Variants in STK11 observed in about 807,000 individuals in gnomAD.
STK11 encodes serine/threonine-protein kinase STK11.
A neutral mutation model predicts 47.3 loss-of-function variants in STK11; 8 were observed. That is an observed-to-expected ratio of 0.17 (90% CI 0.10 to 0.31). The LOEUF (loss-of-function observed/expected upper bound fraction) is 0.31. Ranked by LOEUF, STK11 falls within the 10% of genes least tolerant of loss-of-function variation. The pLI, the probability that STK11 is intolerant of heterozygous loss-of-function variation, is 1.00. For missense variants in STK11, 475 were observed against 605.0 expected, an observed-to-expected ratio of 0.79 and a Z score of 2.25; for synonymous variants, 330 against 255.8, an observed-to-expected ratio of 1.29 and a Z score of -2.77.
chr19:1,221,225 C>T lies in STK11; in HGVS notation c.747C>T (p.Thr249=), dbSNP rs759546076. Residue 249 remains threonine, a synonymous_variant, in exon 6 of 10, where the codon ACC becomes ACT. Coordinates refer to ENST00000326873, the MANE Select transcript of STK11 (RefSeq NM_000455.5). ...CCTCGAAATGAAGCTACAACATCAC[C>T]ACGGGTCTGTACCCCTTCGAAGGGG... ...WSAGVTLYNI[T]TGLYPFEGDN... 4.0e-5 allele frequency: 65 copies of T among 1,612,410 alleles called. No homozygotes were observed. Among genetic ancestry groups the T allele is most frequent in the Non-Finnish European group, 5.3e-5 (63 of 1,179,516 alleles).
At chr19:1,224,182 TG>T in intron 8 of STK11, 1 of 985,098 alleles carries the variant, frequency 1.0e-6, no homozygotes, top group South Asian at 4.7e-5. Flanking sequence ...GCACAGTGTA[TG>T]GGGGTCCCCG....
At chr19:1,219,544 G>T (rs1165645315) in intron 3 of STK11, 131 bp downstream of exon 3, 123 of 948,210 alleles carry the variant, frequency 1.3e-4, no homozygotes, top group East Asian at 8.1e-5. Context: ...TTGTTTTTTT[G>T]TTTTTTTGTG....
At chr19:1,222,869 C>T in intron 7 of STK11, 116 bp from the exon 8 acceptor site, 1 of 1,248,428 alleles carries the variant, frequency 8.0e-7, no homozygotes, top group Non-Finnish European at 1.1e-6. Context: ...CCTTGCACGG[C>T]CTGGTCCCAG....
chr19:1,225,874 GGTGGGCAGCCCCAGGCCT>G, intron 8 of STK11: 1 of 987,532 alleles, frequency 1.0e-6, no homozygotes, highest in Non-Finnish European at 1.2e-6. Flanking sequence ...ACCTGGGCAG[GGTGGGCAGCCCCAGGCCT>G]GTGGGTTTCA....
intron 9 of STK11, 69 bp from the exon 10 acceptor site, chr19:1,227,524 C>T (rs945777679): frequency 1.9e-6 from 2 of 1,061,232 alleles, no homozygotes; most frequent in Non-Finnish European, 2.3e-6. Context: ...CTCCATCCTC[C>T]CAGGGGCCCG....
At chr19:1,215,629 A>G (rs571208250) in intron 1 of STK11, among the ~76,000 whole-genome samples, 6 of 152,204 alleles carry the variant, frequency 3.9e-5, no homozygotes, top group Admixed American at 6.5e-5. Flanking sequence ...GCAGTGAGCA[A>G]TGAGCCCTGG....
Position 1,227,770 on chromosome 19 carries a change from C to A in STK11, c.*194C>A. 9.3e-7 allele frequency: 1 copy of A among 1,073,728 alleles called. No individual in the cohort carries two copies. Among genetic ancestry groups the A allele is most frequent in the Non-Finnish European group, 1.1e-6 (1 of 884,514 alleles). The allele number at this position is 1,073,728 out of a possible 1,614,324, so 66.5% of individuals were successfully genotyped here. ...CAGGGACCGGGCGCAGCCCTCCCCCCTCGGCCGCCCGGCAGTGCACGCGGC... is the reference window on the plus strand; with the variant it reads ...CAGGGACCGGGCGCAGCCCTCCCCCATCGGCCGCCCGGCAGTGCACGCGGC... On this transcript the variant is annotated 3_prime_UTR_variant, in exon 10 of 10. Coordinates refer to ENST00000326873, the MANE Select transcript of STK11 (RefSeq NM_000455.5).
At chr19:1,226,898 G>T (rs1452704189) in intron 9 of STK11, 1 of 544,654 alleles carries the variant, frequency 1.8e-6, no homozygotes, top group African/African-American at 2.0e-5. Context: ...CGGGGCTCTG[G>T]GGGGGCGTGC....
At chr19:1,215,103 C>G (rs2080736552) in intron 1 of STK11, among the ~76,000 whole-genome samples, 1 of 152,210 alleles carries the variant, frequency 6.6e-6, no homozygotes, top group Non-Finnish European at 1.5e-5. Flanking sequence ...AGCCGGGCCT[C>G]TCGGGCCCAC....
chr19:1,219,615 G>A (rs2080768639), intron 3 of STK11, among the ~76,000 whole-genome samples: 1 of 151,822 alleles, frequency 6.6e-6, no homozygotes, highest in African/African-American at 2.4e-5. Flanking sequence ...GTGCGATCTC[G>A]GCTCACTGCA....
rs1568705955 is a variant in STK11 at position 1,219,445 on chromosome 19, C to T, written c.464+32C>T. 9 of 560,792 alleles carry T rather than the reference C, an allele frequency of 1.6e-5. No individual in the cohort carries two copies. Among genetic ancestry groups the T allele is most frequent in the East Asian group, 6.3e-5 (1 of 15,966 alleles). The allele number at this position is 560,792 out of a possible 1,614,324, so 34.7% of individuals were successfully genotyped here. On this transcript the variant is annotated intron_variant, in intron 3 of 9. Coordinates refer to ENST00000326873, the MANE Select transcript of STK11 (RefSeq NM_000455.5). ...GCGCGGGGCAGGGGCCAGGGTGGGGCGGGGGCCGGGGGCCAGGCAGGGCAG... is the reference window on the plus strand; with the variant it reads ...GCGCGGGGCAGGGGCCAGGGTGGGGTGGGGGCCGGGGGCCAGGCAGGGCAG...
chr19:1,210,172 C>T (rs1415465850), intron 1 of STK11, among the ~76,000 whole-genome samples: 1 of 152,152 alleles, frequency 6.6e-6, no homozygotes, highest in Admixed American at 6.5e-5. Flanking sequence ...ATTCTGGGAG[C>T]TGGTGTGTTC....
chr19:1,214,470 G>A (rs2080732188), intron 1 of STK11, among the ~76,000 whole-genome samples: 1 of 152,230 alleles, frequency 6.6e-6, no homozygotes, highest in South Asian at 2.1e-4. Context: ...AGGCAGGGCA[G>A]GGCGCCTTCG....
intron 2 of STK11, 112 bp from the exon 3 acceptor site, chr19:1,219,212 G>T: frequency 7.7e-7 from 1 of 1,299,208 alleles, no homozygotes; most frequent in South Asian, 1.3e-5. Context: ...CTGGTCCCGA[G>T]GAGGGGCAAG....
In STK11 at chr19:1,228,005, G is replaced by A; in HGVS notation, c.*429G>A. The A allele has an allele frequency of 9.4e-7, 1 of 1,067,884 alleles. No homozygotes were observed. 66.2% of individuals were successfully genotyped at this position (1,067,884 alleles called of 1,614,324 possible). A position where few individuals can be genotyped will look rare whatever the true frequency, so the allele number is the denominator to read the frequency against. ...CCCGCCATGCATGCAGCGCCACCTG[G>A]AAGCCGCGCGGCCGCTTTGGTTTTT... On this transcript the variant is annotated 3_prime_UTR_variant, in exon 10 of 10. Transcript: ENST00000326873.
Position 1,227,648 on chromosome 19 carries a change from G to A in STK11, c.*72G>A, listed in dbSNP as rs572976728. On this transcript the variant is annotated 3_prime_UTR_variant, in exon 10 of 10. Coordinates refer to ENST00000326873, the MANE Select transcript of STK11 (RefSeq NM_000455.5). The stretch of plus-strand genomic sequence containing the variant: ...CGCCAGGCCCTCAGTCTTCCTGCCG[G>A]TTCCGCCCGCCCTCCCGGAGAGGTG... 5.6e-6 allele frequency: 6 copies of A among 1,067,906 alleles called. No individual in the cohort carries two copies. The East Asian group carries it at 2.0e-4, about 35-fold the overall frequency. The allele number at this position is 1,067,906 out of a possible 1,614,324, so 66.2% of individuals were successfully genotyped here.
At chr19:1,219,702 C>G (rs528501080) in intron 3 of STK11, among the ~76,000 whole-genome samples, 3 of 152,072 alleles carry the variant, frequency 2.0e-5, no homozygotes, top group Non-Finnish European at 4.4e-5. Context: ...CCCGCCACCA[C>G]GCCCGGCTAA....
Position 1,226,057 on chromosome 19 carries a change from G to A in STK11, c.1109-397G>A, listed in dbSNP as rs1429213768. 8 of 1,043,098 alleles carry A rather than the reference G, an allele frequency of 7.7e-6. No homozygotes were observed. The African/African-American group carries it at 1.4e-4, about 18-fold the overall frequency. The allele number at this position is 1,043,098 out of a possible 1,614,324, so 64.6% of individuals were successfully genotyped here. ...CTGGCCCTCCTGTGTCCTCACAGAT[G>A]AGCATGTGGCGGCTCCTGGGCCTCT... On this transcript the variant is annotated intron_variant, in intron 8 of 9. Coordinates refer to ENST00000326873, the MANE Select transcript of STK11 (RefSeq NM_000455.5).
rs538936764 is a variant in STK11 at position 1,223,543 on chromosome 19, A to T, written c.1108+371A>T. The T allele has an allele frequency of 9.5e-6, 10 of 1,053,656 alleles. No homozygotes were observed. The East Asian group carries it at 4.8e-4, about 50-fold the overall frequency. The allele number at this position is 1,053,656 out of a possible 1,614,324, so 65.3% of individuals were successfully genotyped here. ...GAGTCAGGGTGCAGGGTGGCCCCTCAGACAGCTGGCATGAGAGAGGGTCCA... is the reference window on the plus strand; with the variant it reads ...GAGTCAGGGTGCAGGGTGGCCCCTCTGACAGCTGGCATGAGAGAGGGTCCA... On this transcript the variant is annotated intron_variant, in intron 8 of 9. Coordinates refer to ENST00000326873, the MANE Select transcript of STK11 (RefSeq NM_000455.5).
Sources: allele counts gnomAD v4.1 joint callset (sites outside exome capture counted in the v4.1 genomes callset), GRCh38; gene constraint gnomAD v4.1.1; transcripts MANE v1.5; gene names NCBI Gene and HGNC (gene_info 2026-07-23, HGNC 2026-07-21).